REV1: variants seen among roughly 807,000 people sequenced by gnomAD.
REV1 encodes translesion synthesis protein REV1.
REV1 carries 42 observed loss-of-function variants against 137.4 expected under a neutral mutation model. The ratio of observed to expected loss-of-function variants is 0.31; its 90% CI spans 0.24 to 0.40. REV1 has a LOEUF of 0.40. REV1 is among the 10% of genes least tolerant of loss of function. The probability of loss-of-function intolerance (pLI) is 1.00; values close to 1 mark genes in which losing one functional copy is unlikely to be tolerated. For synonymous variants in REV1, 524 were observed against 519.2 expected (o/e 1.01, Z -0.12); for missense variants, 1,282 against 1,490.1 (o/e 0.86, Z 2.30).
At chr2:99,425,386 G>A (rs1042947191) in intron 9 of REV1, among the ~76,000 whole-genome samples, 1 of 152,148 alleles carries the variant, frequency 6.6e-6, no homozygotes, top group Non-Finnish European at 1.5e-5. Context: ...ATACCTAAGA[G>A]GAAGGAAAAT....
rs1677368381 is a variant in REV1 at position 99,412,870 on chromosome 2, T to C, written c.2033A>G (p.Lys678Arg). ...TTTGGGACCAAATTCTTTTTGGAGT[T>C]TTGCCATGGTCATATACTGCAAGTC... ...CGDLQYMTMAKLQKEFGPKTG... is the reference protein window; with the variant it reads ...CGDLQYMTMARLQKEFGPKTG... The change falls in exon 13 of 23, where the codon AAA (lysine) becomes AGA (arginine). Residue 678 changes from lysine (K) to arginine (R), a missense_variant. Lys to Arg is a conservative substitution (Grantham distance 26). This residue lies in a region of REV1 where 372 missense variants were observed against 482.3 expected (regional missense o/e 0.77). Coordinates refer to ENST00000258428, the MANE Select transcript of REV1 (RefSeq NM_016316.4). 6.2e-7 allele frequency: 1 copy of C among 1,614,068 alleles called. No individual in the cohort carries two copies. The highest frequency in any genetic ancestry group is 1.7e-5 in the Admixed American group (1 of 60,012).
intron 12 of REV1, among the ~76,000 whole-genome samples, chr2:99,413,376 T>C (rs1185359700): frequency 6.6e-6 from 1 of 152,180 alleles, no homozygotes; most frequent in Non-Finnish European, 1.5e-5. Context: ...ATTTCGGTCA[T>C]CACCAAATCT....
intron 3 of REV1, among the ~76,000 whole-genome samples, chr2:99,460,322 G>A (rs1402381317): frequency 6.6e-5 from 10 of 152,048 alleles, no homozygotes; most frequent in Non-Finnish European, 5.9e-5. Context: ...TGATCTGCCC[G>A]CCTCGGCCTC....
chr2:99,436,955 T>C (rs1209123598), intron 6 of REV1, among the ~76,000 whole-genome samples: 1 of 151,860 alleles, frequency 6.6e-6, no homozygotes, highest in African/African-American at 2.4e-5. Context: ...GTGACTGTGA[T>C]AGCATGTACC....
chr2:99,448,703 T>C (rs1682529258), intron 4 of REV1, among the ~76,000 whole-genome samples: 1 of 152,226 alleles, frequency 6.6e-6, no homozygotes, highest in African/African-American at 2.4e-5. Context: ...GAAGGGATCT[T>C]TGCTTTGTTC....
At chr2:99,417,043 G>C (rs17022663) in intron 12 of REV1, among the ~76,000 whole-genome samples, 26,799 of 151,924 alleles carry the variant, frequency 0.18, 2,861 homozygotes, top group African/African-American at 0.28. Flanking sequence ...CTACAAAAAG[G>C]GTTCGATTTA....
Position 99,404,530 on chromosome 2 carries a change from C to G in REV1, c.2959G>C (p.Gly987Arg). 1.2e-6 allele frequency: 2 copies of G among 1,614,156 alleles called. No homozygotes were observed. ...CNTGILPQPVGTVLLQIPEPQ... is the reference protein window; with the variant it reads ...CNTGILPQPVRTVLLQIPEPQ... ...TCTGGTATTTGCAACAAGACTGTCC[C>G]AACTGGTTGTGGCAAAATTCCTGTA... Residue 987 changes from glycine (G) to arginine (R), a missense_variant, in exon 18 of 23, where the codon GGG becomes CGG. Transcript: ENST00000258428.
Position 99,481,390 on chromosome 2 carries a change from T to TA in REV1, c.-11+8426dup, listed in dbSNP as rs895345534. On this transcript the variant is annotated intron_variant, in intron 1 of 22. Transcript: ENST00000258428. ...CAAGTTTTAAATTATATTGTATCAA[T>TA]AAAAAAAATGTTATGTAGTAATTCT... Among the ~76,000 whole-genome samples the TA allele has an allele frequency of 2.0e-3, 308 of 152,062 alleles. 1 individual carries two copies. Among genetic ancestry groups the TA allele is most frequent in the African/African-American group, 7.2e-3 (298 of 41,468 alleles).
At chr2:99,484,318 C>T (rs192589003) in intron 1 of REV1, among the ~76,000 whole-genome samples, 2 of 152,082 alleles carry the variant, frequency 1.3e-5, no homozygotes, top group African/African-American at 4.8e-5. Context: ...TACAACAAAC[C>T]CCCATGACAC....
chr2:99,479,914 C>T (rs936700226), intron 1 of REV1, among the ~76,000 whole-genome samples: 1 of 152,046 alleles, frequency 6.6e-6, no homozygotes, highest in African/African-American at 2.4e-5. Flanking sequence ...AGAGGTAGAT[C>T]TGAACTAAGA....
chr2:99,456,148 A>C (rs1186580447), intron 3 of REV1, among the ~76,000 whole-genome samples: 1 of 152,222 alleles, frequency 6.6e-6, no homozygotes, highest in Non-Finnish European at 1.5e-5. Context: ...CCCATTCCTT[A>C]AGACTGAGTT....
intron 6 of REV1, among the ~76,000 whole-genome samples, chr2:99,437,370 G>A (rs987274300): frequency 6.6e-6 from 1 of 152,104 alleles, no homozygotes; most frequent in East Asian, 1.9e-4. Flanking sequence ...CTAAGACTCG[G>A]AGAGGTGAAC....
intron 13 of REV1, among the ~76,000 whole-genome samples, chr2:99,411,411 CTT>C (rs550532536): frequency 1.0e-4 from 14 of 138,562 alleles, no homozygotes; most frequent in African/African-American, 8.4e-5. Context: ...CCTTTCTTTC[CTT>C]TTTTTTTTTT....
intron 1 of REV1, among the ~76,000 whole-genome samples, chr2:99,484,617 C>A (rs955967173): frequency 6.6e-6 from 1 of 151,578 alleles, no homozygotes; most frequent in East Asian, 1.9e-4. Context: ...ACATTAATTA[C>A]GATGCAAGTC....
At position 99,412,929 on chromosome 2, in the gene REV1, A is replaced by C; in HGVS notation, c.1974T>G (p.Ser658=). ...NLPGVGHSME[S]KLASLGIKTC... ...TTTTAATTCCCAAAGATGCCAACTT[A>C]GATTCCATTGAATGTCCAACTCCTA... Residue 658 remains serine (S), a synonymous_variant, in exon 13 of 23, where the codon TCT becomes TCG. Transcript: ENST00000258428. 6.2e-7 allele frequency: 1 copy of C among 1,613,800 alleles called. No homozygotes were observed. Among genetic ancestry groups the C allele is most frequent in the Non-Finnish European group, 8.5e-7 (1 of 1,179,644 alleles).
intron 5 of REV1, among the ~76,000 whole-genome samples, chr2:99,441,187 T>C (rs1185323483): frequency 6.6e-6 from 1 of 152,114 alleles, no homozygotes; most frequent in East Asian, 1.9e-4. Flanking sequence ...TTAAAAAAAA[T>C]TAAAAGCTAC....
chr2:99,431,211 C>G (rs972446763), intron 8 of REV1, among the ~76,000 whole-genome samples: 2 of 152,182 alleles, frequency 1.3e-5, no homozygotes, highest in African/African-American at 2.4e-5. Context: ...CATATATACA[C>G]AGCATAAATG....
At chr2:99,404,332 A>G in intron 18 of REV1, 112 bp downstream of exon 18, 3 of 403,128 alleles carry the variant, frequency 7.4e-6, no homozygotes, top group East Asian at 6.9e-5. Flanking sequence ...TCCCCTCCCC[A>G]GTGGATGTGG....
At chr2:99,419,350 C>A (rs1312651426) in intron 11 of REV1, among the ~76,000 whole-genome samples, 1 of 151,704 alleles carries the variant, frequency 6.6e-6, no homozygotes, top group African/African-American at 2.4e-5. Flanking sequence ...GTAGCTGGGA[C>A]TACAGGCGCC....
Sources: gnomAD v4.1 joint callset for allele counts (sites outside exome capture counted in the v4.1 genomes callset) on GRCh38, gnomAD v4.1.1 for gene constraint, gnomAD v4.1.1 regional missense constraint, MANE v1.5 for transcripts, NCBI Gene and HGNC (gene_info 2026-07-23, HGNC 2026-07-21) for gene names.